Variants in ANO3 observed in about 807,000 individuals in gnomAD.
ANO3 encodes anoctamin-3.
ANO3 carries 99 observed loss-of-function variants against 144.8 expected under a neutral mutation model. That is an observed-to-expected ratio of 0.68 (90% CI 0.58 to 0.81). The LOEUF is 0.81. ANO3 is among the 30% of genes least tolerant of loss of function. The pLI is 0.00. For synonymous variants in ANO3, 414 were observed against 392.6 expected, an observed-to-expected ratio of 1.05 and a Z score of -0.64; for missense variants, 905 against 1,202.2, an observed-to-expected ratio of 0.75 and a Z score of 3.66.
chr11:26,494,996 A>C (rs1860869701), intron 4 of ANO3, among the ~76,000 whole-genome samples: 1 of 152,212 alleles, frequency 6.6e-6, no homozygotes, highest in East Asian at 1.9e-4. Context: ...AAGCCTATAA[A>C]AATGGAAATA....
intron 1 of ANO3, among the ~76,000 whole-genome samples, chr11:26,371,520 G>C (rs1856256526): frequency 1.3e-5 from 2 of 152,194 alleles, no homozygotes; most frequent in South Asian, 4.1e-4. Flanking sequence ...TTTAGACCCA[G>C]AATGGTAGAT....
At chr11:26,234,996 A>C (rs934675247) in intron 1 of ANO3, among the ~76,000 whole-genome samples, 1 of 82,828 alleles carries the variant, frequency 1.2e-5, no homozygotes, top group African/African-American at 3.3e-5. Flanking sequence ...AGAGAGAGAG[A>C]AAAGAAAGAG....
intron 4 of ANO3, among the ~76,000 whole-genome samples, chr11:26,477,116 G>A (rs1355249047): frequency 1.3e-5 from 2 of 152,030 alleles, no homozygotes; most frequent in Non-Finnish European, 2.9e-5. Context: ...TTGCACATTT[G>A]TGTGTGCACA....
intron 4 of ANO3, among the ~76,000 whole-genome samples, chr11:26,483,258 A>G (rs1478469972): frequency 6.6e-6 from 1 of 152,196 alleles, no homozygotes. Flanking sequence ...AAATCTTAAT[A>G]TTAGTCATTA....
chr11:26,307,731 AATAATAAT>A (rs1854415843), upstream of ANO3, among the ~76,000 whole-genome samples: 1 of 145,052 alleles, frequency 6.9e-6, no homozygotes, highest in African/African-American at 2.6e-5. Context: ...AAATAATAAT[AATAATAAT>A]AATAATAATA....
intron 1 of ANO3, among the ~76,000 whole-genome samples, chr11:26,195,213 T>G (rs967340497): frequency 1.3e-5 from 2 of 152,198 alleles, no homozygotes; most frequent in Admixed American, 6.5e-5. Context: ...CACCATGGTC[T>G]TAATGAGGTC....
intron 24 of ANO3, among the ~76,000 whole-genome samples, chr11:26,653,677 G>A (rs1261941280): frequency 3.3e-5 from 5 of 151,602 alleles, no homozygotes; most frequent in Non-Finnish European, 5.9e-5. Flanking sequence ...TCCCCAGTAC[G>A]TGCCAAGGTC....
intron 18 of ANO3, among the ~76,000 whole-genome samples, chr11:26,625,599 T>A (rs1852558736): frequency 6.6e-6 from 1 of 152,196 alleles, no homozygotes; most frequent in South Asian, 2.1e-4. Context: ...AATGGCCACT[T>A]TTTTGCTTAT....
chr11:26,313,728 A>T (rs950834329), intron 1 of ANO3, among the ~76,000 whole-genome samples: 1 of 151,900 alleles, frequency 6.6e-6, no homozygotes, highest in African/African-American at 2.4e-5. Flanking sequence ...ACAGGTGATA[A>T]TACATAGTTC....
At chr11:26,558,471 G>A (rs1347919969) in intron 13 of ANO3, among the ~76,000 whole-genome samples, 1 of 152,022 alleles carries the variant, frequency 6.6e-6, no homozygotes, top group Non-Finnish European at 1.5e-5. Flanking sequence ...AATTTTATGA[G>A]CTCTGTGGGA....
At chr11:26,381,352 G>A (rs556816599) in intron 1 of ANO3, among the ~76,000 whole-genome samples, 3 of 152,208 alleles carry the variant, frequency 2.0e-5, no homozygotes, top group South Asian at 2.1e-4. Context: ...TGTAGCACTC[G>A]CTATTTCCCT....
At chr11:26,488,729 T>G (rs899213937) in intron 4 of ANO3, among the ~76,000 whole-genome samples, 9 of 152,132 alleles carry the variant, frequency 5.9e-5, no homozygotes, top group African/African-American at 2.2e-4. Flanking sequence ...TGTTACAGCT[T>G]GTAAAGGTAG....
chr11:26,413,954 T>C (rs1857500953), intron 1 of ANO3, among the ~76,000 whole-genome samples: 1 of 152,104 alleles, frequency 6.6e-6, no homozygotes, highest in South Asian at 2.1e-4. Context: ...TTGAAACTTC[T>C]CTTAGACACA....
chr11:26,451,953 C>T (rs201642553), intron 3 of ANO3, among the ~76,000 whole-genome samples: 1,600 of 152,232 alleles, frequency 0.011, 11 homozygotes, highest in Middle Eastern at 0.027. Context: ...CTGCAGACAC[C>T]GCTGCTGATA....
intron 17 of ANO3, among the ~76,000 whole-genome samples, chr11:26,621,071 ACTAAAAGATAAAAAGTT>A (rs1852401137): frequency 6.6e-6 from 1 of 152,200 alleles, no homozygotes; most frequent in African/African-American, 2.4e-5. Context: ...TGGGGCTATG[ACTAAAAGATAAAAAGTT>A]CTAAAACCCA....
chr11:26,367,747 C>T (rs913389663), intron 1 of ANO3, among the ~76,000 whole-genome samples: 4 of 152,138 alleles, frequency 2.6e-5, no homozygotes, highest in Non-Finnish European at 5.9e-5. Flanking sequence ...GTAAAGGAAG[C>T]ATGGTGCTGA....
At chr11:26,247,974 G>A (rs971444571) in intron 1 of ANO3, among the ~76,000 whole-genome samples, 2 of 151,404 alleles carry the variant, frequency 1.3e-5, no homozygotes, top group African/African-American at 4.8e-5. Context: ...CTCGTGATCC[G>A]CCCGCCTCGG....
intron 14 of ANO3, among the ~76,000 whole-genome samples, chr11:26,577,488 G>C (rs892771971): frequency 6.6e-6 from 1 of 151,564 alleles, no homozygotes; most frequent in Admixed American, 6.6e-5. Context: ...GCTTGAACCC[G>C]GGAGGCAGAG....
At chr11:26,393,511 C>A (rs1352750999) in intron 1 of ANO3, among the ~76,000 whole-genome samples, 2 of 152,104 alleles carry the variant, frequency 1.3e-5, no homozygotes, top group Admixed American at 1.3e-4. Flanking sequence ...CCATATAATA[C>A]AATGAAGAGC....
Sources: gnomAD v4.1 joint callset for allele counts (sites outside exome capture counted in the v4.1 genomes callset) on GRCh38, gnomAD v4.1.1 for gene constraint, MANE v1.5 for transcripts, NCBI Gene and HGNC (gene_info 2026-07-23, HGNC 2026-07-21) for gene names.